AKR1C3: variants seen among roughly 807,000 people sequenced by gnomAD.
AKR1C3 encodes 3-alpha hydroxysteroid dehydrogenase, type II.
A neutral mutation model predicts 43.6 loss-of-function variants in AKR1C3; 48 were observed. The observed-to-expected ratio is 1.10, with a 90% CI of 0.87 to 1.40. The LOEUF (loss-of-function observed/expected upper bound fraction) is 1.40, where lower values mean the gene tolerates loss of function less well. Ranked by LOEUF, AKR1C3 falls within the 40% of genes most tolerant of loss-of-function variation. AKR1C3 has a pLI of 0.00. For missense variants in AKR1C3, 482 were observed against 391.2 expected (o/e 1.23, Z -1.96); for synonymous variants, 162 against 139.6 (o/e 1.16, Z -1.13).
At chr10:5,056,277 A>G (rs1433849131) in intron 1 of AKR1C3, among the ~76,000 whole-genome samples, 1 of 152,142 alleles carries the variant, frequency 6.6e-6, no homozygotes, top group Non-Finnish European at 1.5e-5. Flanking sequence ...GCAAAGAGGA[A>G]CTGGGAGTCA....
intron 3 of AKR1C3, among the ~76,000 whole-genome samples, chr10:5,098,353 T>C (rs1839263855): frequency 6.6e-6 from 1 of 152,220 alleles, no homozygotes; most frequent in Non-Finnish European, 1.5e-5. Context: ...AGACAACTCC[T>C]CTGGGTCTCC....
chr10:5,069,398 C>T (rs1029463882), intron 1 of AKR1C3, among the ~76,000 whole-genome samples: 3 of 152,176 alleles, frequency 2.0e-5, no homozygotes, highest in African/African-American at 7.2e-5. Flanking sequence ...ATTCAACATG[C>T]TTAAACTGTC....
chr10:5,086,053 G>T (rs1310792152), intron 1 of AKR1C3, among the ~76,000 whole-genome samples: 1 of 151,588 alleles, frequency 6.6e-6, no homozygotes, highest in African/African-American at 2.4e-5. Context: ...TTTTTTGAAG[G>T]GTTTTTTGTG....
At chr10:5,070,687 G>A (rs1324123849) in intron 1 of AKR1C3, among the ~76,000 whole-genome samples, 1 of 152,196 alleles carries the variant, frequency 6.6e-6, no homozygotes, top group East Asian at 1.9e-4. Flanking sequence ...TGGGATTAGT[G>A]TCCTTGTTAA....
At chr10:5,089,687 T>C (rs932154528), upstream of AKR1C3, among the ~76,000 whole-genome samples, 2 of 152,154 alleles carry the variant, frequency 1.3e-5, no homozygotes, top group East Asian at 1.9e-4. Context: ...CTGGATCTTA[T>C]TGAGCTTTCT....
At chr10:5,096,136 T>C (rs1179135998) in intron 1 of AKR1C3, 8 of 312,470 alleles carry the variant, frequency 2.6e-5, no homozygotes, top group African/African-American at 1.7e-4. Flanking sequence ...ACTATTTCAG[T>C]CATGTTAACT....
chr10:5,102,650 G>T lies in AKR1C3; in HGVS notation c.846G>T (p.Gln282His), dbSNP rs1430869424. The change falls in exon 7 of 9, where the codon CAG becomes CAT. Residue 282 changes from glutamine (Q) to histidine (H), a missense_variant and splice_region_variant. Coordinates refer to ENST00000380554, the MANE Select transcript of AKR1C3 (RefSeq NM_003739.6). ...YNEQRIRQNV[Q>H]VFEFQLTAED... ...AGCAGCGCATCAGACAGAACGTGCA[G>T]GTGAGGAGCGGGGCTGTGGGCCTCA... 1 of 1,460,124 alleles carries T rather than the reference G, an allele frequency of 6.8e-7. No homozygotes were observed. The highest frequency in any genetic ancestry group is 1.4e-5 in the African/African-American group (1 of 69,894). 90.4% of individuals were successfully genotyped at this position (1,460,124 alleles called of 1,614,324 possible).
intron 1 of AKR1C3, among the ~76,000 whole-genome samples, chr10:5,054,518 A>G (rs1271346778): frequency 1.3e-5 from 2 of 152,226 alleles, no homozygotes; most frequent in Non-Finnish European, 2.9e-5. Flanking sequence ...ATATAGGTCA[A>G]TGTTCCGCAT....
At chr10:5,083,332 G>GT (rs1241799869) in intron 1 of AKR1C3, among the ~76,000 whole-genome samples, 8 of 152,108 alleles carry the variant, frequency 5.3e-5, no homozygotes, top group East Asian at 1.9e-4. Context: ...GCGGTGTTTG[G>GT]TTTTTTGTCC....
chr10:5,097,311 T>C (rs781900865), intron 2 of AKR1C3, 123 bp from the exon 3 acceptor site: 128 of 1,153,764 alleles, frequency 1.1e-4, no homozygotes, highest in Non-Finnish European at 1.5e-4. Context: ...AGGAAGAGAA[T>C]ATGTTTGCCA....
rs1329717003 is a variant in AKR1C3 at position 5,084,199 on chromosome 10, T to C, written c.85-12211T>C. 6.6e-5 allele frequency among the ~76,000 whole-genome samples: 10 copies of C among 152,324 alleles called. No individual in the cohort carries two copies. In the East Asian group the frequency reaches 1.7e-3, roughly 26 times the overall value. On this transcript the variant is annotated intron_variant, in intron 1 of 8. Coordinates refer to the AKR1C3 transcript ENST00000439082. The stretch of plus-strand genomic sequence containing the variant: ...TTGCCTAGGTTTTCTTCTAGGGTTT[T>C]TATGGCTTTAGGTCTACATGTAAGT...
chr10:5,069,495 C>A (rs1838576218), intron 1 of AKR1C3, among the ~76,000 whole-genome samples: 1 of 152,186 alleles, frequency 6.6e-6, no homozygotes, highest in Non-Finnish European at 1.5e-5. Flanking sequence ...CTAACATAAT[C>A]TTTTCCAGCA....
chr10:5,081,280 T>TA (rs11448022), intron 1 of AKR1C3, among the ~76,000 whole-genome samples: 46,854 of 151,928 alleles, frequency 0.31, 8,353 homozygotes, highest in East Asian at 0.59. Flanking sequence ...CTCAAAAGCT[T>TA]TGATTTTGCT....
intron 1 of AKR1C3, among the ~76,000 whole-genome samples, chr10:5,056,392 T>G (rs1207705244): frequency 6.6e-6 from 1 of 152,146 alleles, no homozygotes; most frequent in Non-Finnish European, 1.5e-5. Context: ...TGGGTACAAC[T>G]GGATATAGAG....
intron 8 of AKR1C3, among the ~76,000 whole-genome samples, chr10:5,106,553 C>G (rs1554787307): frequency 6.6e-6 from 1 of 152,058 alleles, no homozygotes; most frequent in African/African-American, 2.4e-5. Flanking sequence ...GAGTTCGAGA[C>G]CAGCCTGGCC....
At chr10:5,061,756 C>T (rs1838388470) in intron 1 of AKR1C3, among the ~76,000 whole-genome samples, 1 of 152,044 alleles carries the variant, frequency 6.6e-6, no homozygotes, top group Non-Finnish European at 1.5e-5. Context: ...AACTACCAAC[C>T]CATCTTTAGA....
chr10:5,073,030 C>A (rs1838644302), intron 1 of AKR1C3, among the ~76,000 whole-genome samples: 1 of 152,124 alleles, frequency 6.6e-6, no homozygotes, highest in Non-Finnish European at 1.5e-5. Flanking sequence ...GTGGCACAAT[C>A]TTGGCTCACT....
intron 1 of AKR1C3, among the ~76,000 whole-genome samples, chr10:5,084,380 T>C (rs1471845604): frequency 6.6e-6 from 1 of 151,472 alleles, no homozygotes; most frequent in Non-Finnish European, 1.5e-5. Flanking sequence ...AAAGATCAGA[T>C]AGTTGTAGAT....
At chr10:5,096,342 A>C (rs1588354089) in intron 1 of AKR1C3, 68 bp from the exon 2 acceptor site, 1 of 1,543,464 alleles carries the variant, frequency 6.5e-7, no homozygotes, top group Non-Finnish European at 8.8e-7. Context: ...TATAAAAGTC[A>C]ATGCTTGTGC....
Sources: gnomAD v4.1 joint callset for allele counts (sites outside exome capture counted in the v4.1 genomes callset) on GRCh38, gnomAD v4.1.1 for gene constraint, MANE v1.5 for transcripts, NCBI Gene and HGNC (gene_info 2026-07-23, HGNC 2026-07-21) for gene names.